Variants in UTRN observed in about 807,000 individuals in gnomAD.
The protein encoded by UTRN is utrophin.
A neutral mutation model predicts 463.9 loss-of-function variants in UTRN; 283 were observed. The ratio of observed to expected loss-of-function variants is 0.61; its 90% CI spans 0.55 to 0.67. The LOEUF is 0.67. Ranked by LOEUF, UTRN falls within the 30% of genes least tolerant of loss-of-function variation. UTRN has a pLI of 0.00. For missense variants in UTRN, 3,922 were observed against 4,084.3 expected (o/e 0.96, Z 1.08); for synonymous variants, 1,442 against 1,431.5 (o/e 1.01, Z -0.17).
intron 69 of UTRN, among the ~76,000 whole-genome samples, chr6:144,829,506 C>A (rs1780474696): frequency 6.6e-6 from 1 of 151,938 alleles, no homozygotes; most frequent in African/African-American, 2.4e-5. Context: ...CTGATTATCC[C>A]ACTATTGTGT....
At chr6:144,821,064 G>A in intron 66 of UTRN, 46 bp downstream of exon 66, 1 of 1,578,990 alleles carries the variant, frequency 6.3e-7, no homozygotes, top group Non-Finnish European at 8.6e-7. Flanking sequence ...ATTTATATCT[G>A]ATGTTGTCTT....
intron 54 of UTRN, among the ~76,000 whole-genome samples, chr6:144,736,753 C>T (rs1183729260): frequency 2.0e-5 from 3 of 152,148 alleles, no homozygotes; most frequent in African/African-American, 7.2e-5. Flanking sequence ...AGCAATTTGT[C>T]CTCAGCTTTT....
At chr6:144,714,851 C>T (rs1786207403) in intron 53 of UTRN, among the ~76,000 whole-genome samples, 1 of 152,160 alleles carries the variant, frequency 6.6e-6, no homozygotes. Context: ...CCTCACCTTT[C>T]CTGCTGACTT....
At chr6:144,477,533 T>C (rs1285547541) in intron 25 of UTRN, among the ~76,000 whole-genome samples, 13 of 146,758 alleles carry the variant, frequency 8.9e-5, no homozygotes, top group Non-Finnish European at 1.5e-4. Flanking sequence ...TTTCTCTTTA[T>C]ACACACACAC....
At chr6:144,732,663 G>T (rs1788845945) in intron 54 of UTRN, among the ~76,000 whole-genome samples, 2 of 96,492 alleles carry the variant, frequency 2.1e-5, no homozygotes, top group Non-Finnish European at 4.5e-5. Flanking sequence ...GTCATGTTAT[G>T]TTATGTTATG....
chr6:144,294,656 C>T (rs911954763), intron 2 of UTRN, among the ~76,000 whole-genome samples: 1 of 151,904 alleles, frequency 6.6e-6, no homozygotes, highest in Non-Finnish European at 1.5e-5. Flanking sequence ...TCCAAATCCT[C>T]GAGTTTGGAC....
At chr6:144,643,924 G>A (rs1408623237) in intron 51 of UTRN, among the ~76,000 whole-genome samples, 1 of 152,120 alleles carries the variant, frequency 6.6e-6, no homozygotes, top group Non-Finnish European at 1.5e-5. Flanking sequence ...TTGAGTTCAT[G>A]ATATTTCTGT....
intron 53 of UTRN, among the ~76,000 whole-genome samples, chr6:144,729,438 A>G (rs1286499600): frequency 6.6e-6 from 1 of 152,206 alleles, no homozygotes; most frequent in Non-Finnish European, 1.5e-5. Context: ...CTAACATATA[A>G]TGAAAGTTCA....
chr6:144,827,784 C>A, intron 68 of UTRN, 108 bp downstream of exon 68: 2 of 1,321,234 alleles, frequency 1.5e-6, no homozygotes, highest in Non-Finnish European at 2.1e-6. Context: ...TGCAGTTTTG[C>A]AGGAGTTATG....
intron 50 of UTRN, among the ~76,000 whole-genome samples, chr6:144,563,190 G>GTT (rs2128618518): frequency 6.6e-6 from 1 of 152,224 alleles, no homozygotes; most frequent in Non-Finnish European, 1.5e-5. Flanking sequence ...TAAATATTGT[G>GTT]TATAGTAAAG....
intron 19 of UTRN, among the ~76,000 whole-genome samples, chr6:144,458,075 G>A (rs145696092): frequency 0.014 from 2,087 of 152,026 alleles, 32 homozygotes; most frequent in Middle Eastern, 0.082. Flanking sequence ...CAAAAATATC[G>A]GACAAATAAA....
At chr6:144,550,362 T>C (rs764939976) in intron 47 of UTRN, among the ~76,000 whole-genome samples, 13 of 152,212 alleles carry the variant, frequency 8.5e-5, no homozygotes, top group Non-Finnish European at 1.5e-4. Flanking sequence ...TAAATTGCTT[T>C]CTAGTCTCTA....
intron 54 of UTRN, among the ~76,000 whole-genome samples, chr6:144,732,706 ATGT>A (rs1313137563): frequency 6.6e-6 from 1 of 150,634 alleles, no homozygotes; most frequent in Non-Finnish European, 1.5e-5. Context: ...ATGTTATGTT[ATGT>A]TATGTTATGT....
chr6:144,845,614 G>A (rs1209076228), intron 73 of UTRN, among the ~76,000 whole-genome samples: 2 of 152,140 alleles, frequency 1.3e-5, no homozygotes, highest in Non-Finnish European at 2.9e-5. Flanking sequence ...TTCTGTCTAG[G>A]GTTTGGCTAT....
At chr6:144,802,480 C>G (rs1777781341) in intron 64 of UTRN, among the ~76,000 whole-genome samples, 1 of 152,182 alleles carries the variant, frequency 6.6e-6, no homozygotes, top group Non-Finnish European at 1.5e-5. Context: ...GTTTTCCACT[C>G]AGACCCATAG....
At chr6:144,635,905 ATTCT>A (rs1777121467) in intron 51 of UTRN, among the ~76,000 whole-genome samples, 1 of 151,964 alleles carries the variant, frequency 6.6e-6, no homozygotes, top group South Asian at 2.1e-4. Flanking sequence ...AAACCTAGTC[ATTCT>A]TTCCTTTGGC....
chr6:144,562,155 A>C (rs1389016324), intron 50 of UTRN, among the ~76,000 whole-genome samples: 1 of 152,186 alleles, frequency 6.6e-6, no homozygotes, highest in Non-Finnish European at 1.5e-5. Flanking sequence ...CATCCTGGGA[A>C]GAAAAGATAC....
chr6:144,771,884 A>C (rs754714226), intron 58 of UTRN, 23 bp from the exon 59 acceptor site: 12 of 1,570,612 alleles, frequency 7.6e-6, no homozygotes, highest in East Asian at 4.5e-5. Flanking sequence ...GTTTATTTTT[A>C]AAATTTTACC....
chr6:144,542,903 A>T lies in UTRN; in HGVS notation c.6595+33A>T, dbSNP rs544283052. 43 of 1,573,944 alleles carry T rather than the reference A, an allele frequency of 2.7e-5. No homozygotes were observed. In the East Asian group the frequency reaches 6.6e-4, roughly 24 times the overall value. On this transcript the variant is annotated intron_variant, in intron 46 of 74. Coordinates refer to ENST00000367545, the MANE Select transcript of UTRN (RefSeq NM_007124.3). Reference sequence around the variant, plus strand: ...ATGTTTATCTTTAACAAAGTTTTTTAAAAAATCAGTATGTAAAATTTTGTG... The same window carrying T: ...ATGTTTATCTTTAACAAAGTTTTTTTAAAAATCAGTATGTAAAATTTTGTG...
Sources: allele counts gnomAD v4.1 joint callset (sites outside exome capture counted in the v4.1 genomes callset), GRCh38; gene constraint gnomAD v4.1.1; transcripts MANE v1.5; gene names NCBI Gene and HGNC (gene_info 2026-07-23, HGNC 2026-07-21).